Variants in PREX1 observed in about 807,000 individuals in gnomAD.
The protein encoded by PREX1 is phosphatidylinositol 3,4,5-trisphosphate-dependent Rac exchanger 1 protein.
PREX1 carries 41 observed loss-of-function variants against 198.3 expected under a neutral mutation model. That is an observed-to-expected ratio of 0.21 (90% CI 0.16 to 0.27). The LOEUF is 0.27. Among genes scored for constraint, PREX1 ranks in the 10% least tolerant of loss-of-function variants. The probability of loss-of-function intolerance (pLI) is 1.00; values close to 1 mark genes in which losing one functional copy is unlikely to be tolerated. For synonymous variants in PREX1, 843 were observed against 887.2 expected (o/e 0.95, Z 0.89); for missense variants, 1,620 against 2,200.7 (o/e 0.74, Z 5.28).
chr20:48,676,396 G>T, intron 13 of PREX1, 128 bp from the exon 14 acceptor site: 1 of 832,218 alleles, frequency 1.2e-6, no homozygotes. Context: ...ATTGGGCAGG[G>T]GTCCGAGTCT....
intron 15 of PREX1, among the ~76,000 whole-genome samples, chr20:48,664,927 CGACTCCAGACGGCCTGAATTCTAATCCT>C (rs1568812270): frequency 3.5e-4 from 42 of 120,316 alleles, no homozygotes; most frequent in African/African-American, 1.1e-3. Context: ...ATTCTAATCC[CGACTCCAGACGGCCTGAATTCTAATCCT>C]GACTCCAGAC....
intron 15 of PREX1, among the ~76,000 whole-genome samples, chr20:48,663,910 GCACA>G (rs11472118): frequency 2.8e-4 from 42 of 150,016 alleles, no homozygotes; most frequent in Admixed American, 2.1e-3. Context: ...GTGAGTGCGC[GCACA>G]CACACACACA....
chr20:48,788,447 C>T (rs1341365683), intron 1 of PREX1, among the ~76,000 whole-genome samples: 17 of 152,124 alleles, frequency 1.1e-4, no homozygotes, highest in Admixed American at 1.1e-3. Context: ...TGGCCACCAG[C>T]TTCTATTCCC....
At chr20:48,756,458 G>A (rs962082964) in intron 1 of PREX1, among the ~76,000 whole-genome samples, 9 of 143,296 alleles carry the variant, frequency 6.3e-5, no homozygotes, top group Non-Finnish European at 3.1e-5. Flanking sequence ...GAGAGGACTG[G>A]GAAGAGATAG....
chr20:48,828,665 G>C (rs1367854825), upstream of PREX1, among the ~76,000 whole-genome samples: 1 of 152,218 alleles, frequency 6.6e-6, no homozygotes, highest in Non-Finnish European at 1.5e-5. Context: ...TCTCTTTCCC[G>C]TTTCCTTTCC....
At chr20:48,758,068 T>C (rs567415314) in intron 1 of PREX1, among the ~76,000 whole-genome samples, 2 of 151,908 alleles carry the variant, frequency 1.3e-5, no homozygotes, top group African/African-American at 4.8e-5. Flanking sequence ...GTACAAGTAG[T>C]TTCTTTGGGA....
chr20:48,722,535 T>A (rs924099697), intron 5 of PREX1, among the ~76,000 whole-genome samples: 1 of 152,128 alleles, frequency 6.6e-6, no homozygotes, highest in African/African-American at 2.4e-5. Flanking sequence ...ATTGTGGTAA[T>A]GGTTGCACAA....
chr20:48,637,635 C>T (rs1371664375), intron 31 of PREX1, 76 bp downstream of exon 31: 5 of 1,401,688 alleles, frequency 3.6e-6, no homozygotes, highest in South Asian at 2.7e-5. Flanking sequence ...GTCCAGGCCC[C>T]GAGGGCATGG....
At chr20:48,676,158 G>C (rs574864330) in intron 14 of PREX1, 35 bp downstream of exon 14, 3 of 1,591,138 alleles carry the variant, frequency 1.9e-6, no homozygotes, top group Non-Finnish European at 2.6e-6. Flanking sequence ...GGACAAAGCA[G>C]AACACTGGTC....
At chr20:48,689,239 A>G (rs1431950844) in intron 9 of PREX1, among the ~76,000 whole-genome samples, 1 of 152,172 alleles carries the variant, frequency 6.6e-6, no homozygotes, top group African/African-American at 2.4e-5. Flanking sequence ...GCCAACACTC[A>G]TAGGACCTGA....
chr20:48,769,705 CTCAT>C (rs1200099044), intron 1 of PREX1, among the ~76,000 whole-genome samples: 3 of 152,204 alleles, frequency 2.0e-5, no homozygotes, highest in Non-Finnish European at 4.4e-5. Flanking sequence ...AACCACATGA[CTCAT>C]TCACTCTGCT....
chr20:48,793,095 C>T (rs941480290), intron 1 of PREX1, among the ~76,000 whole-genome samples: 10 of 152,114 alleles, frequency 6.6e-5, no homozygotes, highest in Non-Finnish European at 1.2e-4. Context: ...GTTCCAGCTA[C>T]TTGGAAGGCT....
rs148107722 is a variant in PREX1, at chr20:48,649,323, C to T, written c.3282G>A (p.Lys1094=). Residue 1094 remains lysine, a synonymous_variant, in exon 25 of 40, where the codon AAG becomes AAA. Coordinates refer to ENST00000371941, the MANE Select transcript of PREX1 (RefSeq NM_020820.4). ...TKLDVALKEM[K]QYVTQINRLL... is the part of the protein sequence containing the mutation. ...ACCTGTTGATCTGGGTGACATATTG[C>T]TTCATCTCCTTCAGGGCCACATCCA... 46 of 1,613,910 alleles carry T rather than the reference C, an allele frequency of 2.9e-5. No individual in the cohort carries two copies. In the African/African-American group the frequency reaches 5.9e-4, roughly 21 times the overall value.
At chr20:48,764,038 C>T (rs886282253) in intron 1 of PREX1, among the ~76,000 whole-genome samples, 9 of 152,212 alleles carry the variant, frequency 5.9e-5, no homozygotes, top group African/African-American at 2.2e-4. Flanking sequence ...CATCAGAGTC[C>T]AGGCTCTGAC....
chr20:48,814,144 T>C (rs1047740068), intron 1 of PREX1, among the ~76,000 whole-genome samples: 1 of 152,234 alleles, frequency 6.6e-6, no homozygotes, highest in Non-Finnish European at 1.5e-5. Context: ...GACACAGTCA[T>C]GGCCAGGAAG....
chr20:48,883,271 G>T, the PREX1 span, among the ~76,000 whole-genome samples: 1 of 151,882 alleles, frequency 6.6e-6, no homozygotes, highest in Non-Finnish European at 1.5e-5. Flanking sequence ...AATAGAAAGG[G>T]CATTGTAAAA....
At chr20:48,846,895 A>G in the PREX1 span, among the ~76,000 whole-genome samples, 1 of 152,088 alleles carries the variant, frequency 6.6e-6, no homozygotes, top group Non-Finnish European at 1.5e-5. Flanking sequence ...AGAAAACCCA[A>G]AAGTAGGAGA....
Position 48,794,607 on chromosome 20 carries a change from G to A in PREX1, c.219+33035C>T, listed in dbSNP as rs571051126. Reference sequence around the variant, plus strand: ...GCCTGCCAGGGCAGCCTCTGCAGAGGAGGAGGCCGGCTGGTCAGGCTGGGG... The same window carrying A: ...GCCTGCCAGGGCAGCCTCTGCAGAGAAGGAGGCCGGCTGGTCAGGCTGGGG... On this transcript the variant is annotated intron_variant, in intron 1 of 39. Coordinates refer to ENST00000371941, the MANE Select transcript of PREX1 (RefSeq NM_020820.4). Among the ~76,000 whole-genome samples, 4 of 152,336 alleles carry A rather than the reference G, an allele frequency of 2.6e-5. No individual in the cohort carries two copies. In the East Asian group the frequency reaches 5.8e-4, roughly 22 times the overall value.
chr20:48,742,520 C>T (rs2090086866), intron 3 of PREX1, among the ~76,000 whole-genome samples: 1 of 152,098 alleles, frequency 6.6e-6, no homozygotes, highest in Admixed American at 6.5e-5. Flanking sequence ...CTTGATCTCC[C>T]AGGCCCAGGG....
Sources: gnomAD v4.1 joint callset for allele counts (sites outside exome capture counted in the v4.1 genomes callset) on GRCh38, gnomAD v4.1.1 for gene constraint, MANE v1.5 for transcripts, NCBI Gene and HGNC (gene_info 2026-07-23, HGNC 2026-07-21) for gene names.